The following SSH1 variants were observed in gnomAD, a reference collection of about 807,000 sequenced individuals.
The protein encoded by SSH1 is protein phosphatase Slingshot homolog 1.
A neutral mutation model predicts 79.7 loss-of-function variants in SSH1; 43 were observed. The observed-to-expected ratio is 0.54, with a 90% CI of 0.42 to 0.70. SSH1 has a LOEUF of 0.70. SSH1 is among the 30% of genes least tolerant of loss of function. The pLI, the probability that SSH1 is intolerant of heterozygous loss-of-function variation, is 0.00. For synonymous variants in SSH1, 599 were observed against 538.3 expected (o/e 1.11, Z -1.56); for missense variants, 1,206 against 1,358.8 (o/e 0.89, Z 1.77).
rs376655495 is a variant in SSH1 at position 108,817,163 on chromosome 12, G to C, written c.280-4C>G. Reference sequence around the variant, plus strand: ...AGGCGCTCTCCAGGCGCACTGCCTGGAACAGGGCAGACATGCTCTCACTAA... The same window carrying C: ...AGGCGCTCTCCAGGCGCACTGCCTGCAACAGGGCAGACATGCTCTCACTAA... On this transcript the variant is annotated splice_polypyrimidine_tract_variant and splice_region_variant and intron_variant, in intron 4 of 14. Transcript: ENST00000326495. The C allele has an allele frequency of 3.1e-6, 5 of 1,613,630 alleles. No homozygotes were observed. The highest frequency in any genetic ancestry group is 3.3e-5 in the Admixed American group (2 of 60,032).
At position 108,799,143 on chromosome 12, in the gene SSH1, G is replaced by C; in HGVS notation, c.1206C>G (p.Ser402=). The C allele has an allele frequency of 6.2e-7, 1 of 1,614,180 alleles. No homozygotes were observed. The change falls in exon 13 of 15, where the codon TCC becomes TCG. Residue 402 remains serine (S), a synonymous_variant. Transcript: ENST00000326495. ...HCKMGVSRSA[S]TVIAYAMKEF... is the part of the protein sequence containing the mutation. ...CCTTCATTGCATAGGCTATGACTGT[G>C]GAGGCCGAGCGACTCACGCCCATTT...
chr12:108,793,155 TAC>T (rs989572101), intron 13 of SSH1, among the ~76,000 whole-genome samples: 2 of 152,164 alleles, frequency 1.3e-5, no homozygotes, highest in Non-Finnish European at 2.9e-5. Context: ...TCACGTCAGT[TAC>T]ACTCCATCTC....
At chr12:108,817,575 AAAC>A (rs535932290) in intron 4 of SSH1, among the ~76,000 whole-genome samples, 3 of 152,096 alleles carry the variant, frequency 2.0e-5, no homozygotes, top group South Asian at 2.1e-4. Flanking sequence ...ATTCTGTCTC[AAAC>A]AACAACAACA....
At chr12:108,846,526 T>C (rs2038902389) in intron 2 of SSH1, among the ~76,000 whole-genome samples, 1 of 152,206 alleles carries the variant, frequency 6.6e-6, no homozygotes, top group Admixed American at 6.5e-5. Flanking sequence ...AGCCTGCACA[T>C]GCAGAAGGCA....
At chr12:108,820,851 G>A (rs4964278) in intron 3 of SSH1, among the ~76,000 whole-genome samples, 44,255 of 152,096 alleles carry the variant, frequency 0.29, 6,667 homozygotes, top group South Asian at 0.43. Context: ...CAGACCAACT[G>A]TGGACAGCTG....
In SSH1 at chr12:108,792,720, T is replaced by C; in HGVS notation, c.1459A>G (p.Thr487Ala). The C allele has an allele frequency of 6.2e-7, 1 of 1,613,524 alleles. No homozygotes were observed. Among genetic ancestry groups the C allele is most frequent in the Non-Finnish European group, 8.5e-7 (1 of 1,180,002 alleles). The part of the protein sequence containing the change: ...GDFLPETPDG[T>A]PESQLPFLDD... Reference sequence around the variant, plus strand: ...AAGAAGGGCAGCTGGCTTTCCGGGGTGCCATCTGGGGTCTCTGGCAAGAAG... The same window carrying C: ...AAGAAGGGCAGCTGGCTTTCCGGGGCGCCATCTGGGGTCTCTGGCAAGAAG... The change falls in exon 14 of 15, where the codon ACC (threonine) becomes GCC (alanine). Residue 487 changes from threonine to alanine, a missense_variant. Transcript: ENST00000326495.
At chr12:108,853,261 A>C (rs532974872) in intron 1 of SSH1, 1 of 985,268 alleles carries the variant, frequency 1.0e-6, no homozygotes, top group South Asian at 4.7e-5. Flanking sequence ...ATTTATATAA[A>C]TGCAAGAAAG....
At chr12:108,794,302 G>A (rs781699816) in intron 13 of SSH1, among the ~76,000 whole-genome samples, 16 of 152,304 alleles carry the variant, frequency 1.1e-4, no homozygotes, top group African/African-American at 3.4e-4. Flanking sequence ...CTGGAACTAC[G>A]GTGAGGACCT....
Position 108,809,762 on chromosome 12 carries a change from A to G in SSH1, c.471-4T>C, listed in dbSNP as rs1204469348. ...TGCTGTGCTCACGCTGAACCCACTGAGAATAAAACACAGAGAGAAAGGTAT... is the reference window on the plus strand; with the variant it reads ...TGCTGTGCTCACGCTGAACCCACTGGGAATAAAACACAGAGAGAAAGGTAT... On this transcript the variant is annotated splice_polypyrimidine_tract_variant and splice_region_variant and intron_variant, in intron 6 of 14. Coordinates refer to ENST00000326495, the MANE Select transcript of SSH1 (RefSeq NM_018984.4). 1 of 1,613,438 alleles carries G rather than the reference A, an allele frequency of 6.2e-7. No homozygotes were observed. The highest frequency in any genetic ancestry group is 1.7e-5 in the Admixed American group (1 of 60,020).
At chr12:108,838,761 G>C (rs2038703708) in intron 2 of SSH1, among the ~76,000 whole-genome samples, 1 of 152,316 alleles carries the variant, frequency 6.6e-6, no homozygotes, top group Non-Finnish European at 1.5e-5. Context: ...TATCTATCAG[G>C]AAGAGTTCTT....
At chr12:108,827,674 T>C (rs1404638607) in intron 2 of SSH1, 2 of 712,918 alleles carry the variant, frequency 2.8e-6, no homozygotes, top group African/African-American at 1.9e-5. Flanking sequence ...GGGGTGTGCA[T>C]TCGACATTGT....
chr12:108,786,259 G>A lies in SSH1; in HGVS notation c.*1729C>T, dbSNP rs559012024. The A allele has an allele frequency of 6.6e-6, 1 of 152,398 alleles. No individual in the cohort carries two copies. The highest frequency in any genetic ancestry group is 2.1e-4 in the South Asian group (1 of 4,834). 9.4% of individuals were successfully genotyped at this position (152,398 alleles called of 1,614,324 possible). On this transcript the variant is annotated 3_prime_UTR_variant, in exon 15 of 15. Coordinates refer to ENST00000326495, the MANE Select transcript of SSH1 (RefSeq NM_018984.4). ...TGGCGGACCCAGCTGAGGGCAAGAT[G>A]GAATTGTGGAAGAGCTTCAGCCAAC...
At chr12:108,801,285 C>T (rs1295092216) in intron 11 of SSH1, among the ~76,000 whole-genome samples, 4 of 152,196 alleles carry the variant, frequency 2.6e-5, no homozygotes, top group African/African-American at 9.7e-5. Context: ...TGTCTTCACT[C>T]TTAAAGAGCT....
At chr12:108,849,268 C>T (rs890471607) in intron 2 of SSH1, among the ~76,000 whole-genome samples, 3 of 152,194 alleles carry the variant, frequency 2.0e-5, no homozygotes, top group Non-Finnish European at 4.4e-5. Flanking sequence ...AAGAAAAGGG[C>T]CAGGTGCAGT....
intron 13 of SSH1, among the ~76,000 whole-genome samples, chr12:108,797,214 C>G (rs1430468128): frequency 6.6e-6 from 1 of 152,136 alleles, no homozygotes; most frequent in Non-Finnish European, 1.5e-5. Flanking sequence ...GCAACCTCTG[C>G]CCCCTGGGCT....
intron 2 of SSH1, among the ~76,000 whole-genome samples, chr12:108,837,785 T>G (rs2038675419): frequency 6.6e-6 from 1 of 152,122 alleles, no homozygotes; most frequent in South Asian, 2.1e-4. Context: ...CCAATTTTTT[T>G]TTTTTTCCTT....
Position 108,789,019 on chromosome 12 carries a change from C to G in SSH1, c.2119G>C (p.Gly707Arg). 1 of 1,608,864 alleles carries G rather than the reference C, an allele frequency of 6.2e-7. No individual in the cohort carries two copies. The highest frequency in any genetic ancestry group is 8.5e-7 in the Non-Finnish European group (1 of 1,176,502). ...AGGAACGGGGGAGGTTCGGTTGGGC[C>G]AGAGGCTGGCTTCTCCGGAACACGG... is the stretch of plus-strand genomic sequence containing the variant. Reference protein sequence around the residue: ...RSRVPEKPASGPTEPPPFLPP... With the variant: ...RSRVPEKPASRPTEPPPFLPP... Residue 707 changes from glycine to arginine, a missense_variant, in exon 15 of 15, where the codon GGC (glycine) becomes CGC (arginine). Physicochemically the swap from Gly to Arg is moderately radical, Grantham distance 125 (BLOSUM62 -2). Around this residue, in one of 5 missense-constraint regions of SSH1, gnomAD observed 709 missense variants for 730.6 expected, o/e 0.97. Coordinates refer to ENST00000326495, the MANE Select transcript of SSH1 (RefSeq NM_018984.4).
Position 108,857,135 on chromosome 12 carries a change from G to A in SSH1, c.69+293C>T, listed in dbSNP as rs1215228228. On this transcript the variant is annotated intron_variant, in intron 1 of 14. Coordinates refer to ENST00000326495, the MANE Select transcript of SSH1 (RefSeq NM_018984.4). This position sits in a 1 kb window ranked among gnomAD's most constrained non-coding sequence, Gnocchi z 4.7. ...TGATGTGGGTCACAGCGCACACACA[G>A]TATCCTGCAGACACTCCCAGAGGGG... Among the ~76,000 whole-genome samples, 1 of 152,238 alleles carries A rather than the reference G, an allele frequency of 6.6e-6. No individual in the cohort carries two copies. Among genetic ancestry groups the A allele is most frequent in the East Asian group, 1.9e-4 (1 of 5,198 alleles).
At chr12:108,854,519 G>A (rs2039105701) in intron 1 of SSH1, among the ~76,000 whole-genome samples, 1 of 152,152 alleles carries the variant, frequency 6.6e-6, no homozygotes, top group South Asian at 2.1e-4. Flanking sequence ...AAAGAGAAAA[G>A]AGAGCCTTAG....
Sources: allele counts gnomAD v4.1 joint callset (sites outside exome capture counted in the v4.1 genomes callset), GRCh38; gene constraint gnomAD v4.1.1; regional missense constraint gnomAD v4.1.1; non-coding constraint Gnocchi (gnomAD v3.1); transcripts MANE v1.5; gene names NCBI Gene and HGNC (gene_info 2026-07-23, HGNC 2026-07-21).